MED13: variants seen among roughly 807,000 people sequenced by gnomAD.
The protein encoded by MED13 is mediator complex subunit 13.
Under a neutral mutation model 225.2 loss-of-function variants are expected in MED13, and 23 were observed. The ratio of observed to expected loss-of-function variants is 0.10; its 90% CI spans 0.07 to 0.14. The LOEUF is 0.14. MED13 is among the 10% of genes least tolerant of loss of function. The probability of loss-of-function intolerance (pLI) is 1.00; values close to 1 mark genes in which losing one functional copy is unlikely to be tolerated. For synonymous variants in MED13, 942 were observed against 889.2 expected (o/e 1.06, Z -1.06); for missense variants, 2,197 against 2,594.5 (o/e 0.85, Z 3.33).
intron 8 of MED13, among the ~76,000 whole-genome samples, chr17:62,026,486 A>G (rs2080703343): frequency 6.6e-6 from 1 of 151,776 alleles, no homozygotes; most frequent in Non-Finnish European, 1.5e-5. Flanking sequence ...ATTAAAAAAA[A>G]AAAAAAAAAG....
intron 2 of MED13, among the ~76,000 whole-genome samples, chr17:62,060,769 G>A (rs1252243115): frequency 1.3e-5 from 2 of 150,960 alleles, no homozygotes; most frequent in Non-Finnish European, 2.9e-5. Context: ...GCAAGATCTC[G>A]GCTCACTGCA....
chr17:62,014,056 C>G (rs1035244690), intron 8 of MED13, among the ~76,000 whole-genome samples: 6 of 151,790 alleles, frequency 4.0e-5, no homozygotes, highest in African/African-American at 1.5e-4. Context: ...ACCAAAAACA[C>G]AAACAAACAA....
intron 8 of MED13, among the ~76,000 whole-genome samples, chr17:62,012,974 G>A (rs767507012): frequency 3.2e-4 from 48 of 151,824 alleles, no homozygotes; most frequent in Non-Finnish European, 5.6e-4. Flanking sequence ...TGTATTTTTA[G>A]TAGAGACGGG....
At position 61,982,646 on chromosome 17, in the gene MED13, T is replaced by C; in HGVS notation, c.3357A>G (p.Gln1119=). Residue 1119 remains glutamine, a synonymous_variant, in exon 16 of 30, where the codon CAA becomes CAG. Coordinates refer to ENST00000397786, the MANE Select transcript of MED13 (RefSeq NM_005121.3). The part of the protein sequence containing the change: ...VYIPDPTQEA[Q]YRCTCGFSAV... ...CACTGAAGCCACAGGTACACCTATATTGTGCTTCCTGCGTTGGATCTGGAA... is the reference window on the plus strand; with the variant it reads ...CACTGAAGCCACAGGTACACCTATACTGTGCTTCCTGCGTTGGATCTGGAA... 2 of 1,614,208 alleles carry C rather than the reference T, an allele frequency of 1.2e-6. No individual in the cohort carries two copies. Among genetic ancestry groups the C allele is most frequent in the Non-Finnish European group, 1.7e-6 (2 of 1,180,038 alleles).
At position 61,965,329 on chromosome 17, in the gene MED13, T is replaced by C. The variant is rs529840872; in HGVS notation, c.4521A>G (p.Ala1507=). 6.2e-7 allele frequency: 1 copy of C among 1,614,244 alleles called. No homozygotes were observed. Among genetic ancestry groups the C allele is most frequent in the Admixed American group, 1.7e-5 (1 of 60,028 alleles). Reference sequence around the variant, plus strand: ...CTGTCATAGTGCTGCTCGCTGCAGATGCTAAGGTGGCAGATGGAGTATTAG... The same window carrying C: ...CTGTCATAGTGCTGCTCGCTGCAGACGCTAAGGTGGCAGATGGAGTATTAG... ...GNANTPSATL[A]SAASSTMTVT... is the part of the protein sequence containing the mutation. Residue 1507 remains alanine, a synonymous_variant, in exon 20 of 30, where the codon GCA becomes GCG. Coordinates refer to ENST00000397786, the MANE Select transcript of MED13 (RefSeq NM_005121.3).
At chr17:62,016,933 C>T (rs2080587822) in intron 8 of MED13, among the ~76,000 whole-genome samples, 1 of 151,776 alleles carries the variant, frequency 6.6e-6, no homozygotes, top group Non-Finnish European at 1.5e-5. Flanking sequence ...TCACTTGAAC[C>T]CAGGAGGTGG....
intron 10 of MED13, among the ~76,000 whole-genome samples, chr17:61,993,196 CTTTCT>C (rs1420427002): frequency 1.6e-5 from 2 of 127,424 alleles, no homozygotes; most frequent in African/African-American, 3.6e-5. Context: ...TTCTTTCTTT[CTTTCT>C]TTTTTTTTTT....
rs1294064378 is a variant in MED13, at chr17:62,065,267, G to A, written c.-62C>T. On this transcript the variant is annotated 5_prime_UTR_variant, in exon 1 of 30. Transcript: ENST00000397786. ...ACCATCCGCCATTACCGCCGCCTCCGACCAGAGAGAGAAACACAGACACCG... is the reference window on the plus strand; with the variant it reads ...ACCATCCGCCATTACCGCCGCCTCCAACCAGAGAGAGAAACACAGACACCG... 3.9e-6 allele frequency: 3 copies of A among 761,890 alleles called. No homozygotes were observed. In the South Asian group the frequency reaches 4.6e-5, roughly 12 times the overall value. The allele number at this position is 761,890 out of a possible 1,614,324, so 47.2% of individuals were successfully genotyped here. A position where few individuals can be genotyped will look rare whatever the true frequency, so the allele number is the denominator to read the frequency against.
chr17:62,062,080 C>T (rs1162615861), intron 2 of MED13, among the ~76,000 whole-genome samples: 1 of 151,996 alleles, frequency 6.6e-6, no homozygotes, highest in African/African-American at 2.4e-5. Context: ...AAAATAGATC[C>T]TATAGGTCAG....
At chr17:62,063,340 T>A (rs759705665) in intron 1 of MED13, 39 bp from the exon 2 acceptor site, 1 of 1,344,530 alleles carries the variant, frequency 7.4e-7, no homozygotes, top group South Asian at 1.2e-5. Flanking sequence ...TACTGCATAT[T>A]CACTCAAAGT....
At chr17:61,993,200 C>CTTTTTTTTT (rs964200883) in intron 10 of MED13, among the ~76,000 whole-genome samples, 9 of 107,688 alleles carry the variant, frequency 8.4e-5, no homozygotes, top group Admixed American at 1.0e-4. Context: ...TTCTTTCTTT[C>CTTTTTTTTT]TTTTTTTTTT....
chr17:61,949,591 G>GT lies in MED13; in HGVS notation c.6291+1233dup, dbSNP rs149364575. Reference sequence around the variant, plus strand: ...CATTACTGTATTTAAAAACCACTCAGTTTTTTTTTAACACAGCAATCTACA... The same window carrying GT: ...CATTACTGTATTTAAAAACCACTCAGTTTTTTTTTTAACACAGCAATCTACA... On this transcript the variant is annotated intron_variant, in intron 28 of 29. Coordinates refer to ENST00000397786, the MANE Select transcript of MED13 (RefSeq NM_005121.3). 9.3e-3 allele frequency among the ~76,000 whole-genome samples: 1,353 copies of GT among 145,280 alleles called. 8 individuals are homozygous for GT. The highest frequency in any genetic ancestry group is 0.014 in the Non-Finnish European group (929 of 65,476).
At chr17:62,017,551 G>A (rs2080595133) in intron 8 of MED13, among the ~76,000 whole-genome samples, 1 of 152,102 alleles carries the variant, frequency 6.6e-6, no homozygotes, top group Non-Finnish European at 1.5e-5. Context: ...TTTCATAATA[G>A]CATCAAAACA....
chr17:62,018,229 C>T (rs2080601694), intron 8 of MED13, among the ~76,000 whole-genome samples: 1 of 152,098 alleles, frequency 6.6e-6, no homozygotes, highest in African/African-American at 2.4e-5. Context: ...TATTTTGATA[C>T]TCTGCATTGG....
intron 23 of MED13, among the ~76,000 whole-genome samples, chr17:61,957,194 ACAC>A (rs1456249701): frequency 1.3e-5 from 2 of 148,898 alleles, no homozygotes; most frequent in African/African-American, 5.0e-5. Context: ...TTACAGGCAC[ACAC>A]CACCACGTCT....
intron 3 of MED13, among the ~76,000 whole-genome samples, chr17:62,038,731 G>A (rs2080827522): frequency 1.3e-5 from 2 of 152,062 alleles, no homozygotes; most frequent in East Asian, 1.9e-4. Context: ...TGATACAATC[G>A]TAGCTTGCTG....
In MED13 at chr17:61,943,599, A is replaced by T. The variant is rs1385299477; in HGVS notation, c.*2869T>A. The T allele has an allele frequency of 6.6e-6, 1 of 152,612 alleles. No individual in the cohort carries two copies. Among genetic ancestry groups the T allele is most frequent in the East Asian group, 1.9e-4 (1 of 5,202 alleles). The allele number at this position is 152,612 out of a possible 1,614,324, so 9.5% of individuals were successfully genotyped here. On this transcript the variant is annotated 3_prime_UTR_variant, in exon 30 of 30. Transcript: ENST00000397786. ...TTAAGAAAAGTTTAGAAATATTTAA[A>T]AATTACAGCTACTTTAAAATTTAAG...
At position 62,028,114 on chromosome 17, in the gene MED13, A is replaced by T. The variant is rs541875135; in HGVS notation, c.1283+1427T>A. On this transcript the variant is annotated intron_variant, in intron 8 of 29. Coordinates refer to ENST00000397786, the MANE Select transcript of MED13 (RefSeq NM_005121.3). Reference sequence around the variant, plus strand: ...ACACATATACGCAAATGTCCACTGCAGCACTATTCACAATAGCAAAGACAT... The same window carrying T: ...ACACATATACGCAAATGTCCACTGCTGCACTATTCACAATAGCAAAGACAT... Among the ~76,000 whole-genome samples the T allele has an allele frequency of 7.2e-5, 11 of 152,334 alleles. No homozygotes were observed. The South Asian group carries it at 2.1e-3, about 29-fold the overall frequency.
At chr17:61,948,306 G>A (rs1401424024) in intron 28 of MED13, among the ~76,000 whole-genome samples, 2 of 152,140 alleles carry the variant, frequency 1.3e-5, no homozygotes, top group Admixed American at 6.6e-5. Flanking sequence ...TGTATCTAAG[G>A]GTGAATGCCC....
Sources: allele counts gnomAD v4.1 joint callset (sites outside exome capture counted in the v4.1 genomes callset), GRCh38; gene constraint gnomAD v4.1.1; transcripts MANE v1.5; gene names NCBI Gene and HGNC (gene_info 2026-07-23, HGNC 2026-07-21).